Variants in SHC4 observed in about 807,000 individuals in gnomAD.
The protein encoded by SHC4 is SHC-transforming protein 4.
A neutral mutation model predicts 69.4 loss-of-function variants in SHC4; 41 were observed. The observed-to-expected ratio is 0.59, with a 90% CI of 0.46 to 0.77. The LOEUF (loss-of-function observed/expected upper bound fraction) is 0.77. SHC4 is among the 30% of genes least tolerant of loss of function. The pLI is 0.00. For missense variants in SHC4, 777 were observed against 783.8 expected, an observed-to-expected ratio of 0.99 and a Z score of 0.10; for synonymous variants, 318 against 299.3, an observed-to-expected ratio of 1.06 and a Z score of -0.64.
At chr15:48,842,912 C>T (rs1312461009) in intron 10 of SHC4, among the ~76,000 whole-genome samples, 2 of 151,938 alleles carry the variant, frequency 1.3e-5, no homozygotes, top group African/African-American at 4.8e-5. Context: ...GCCTGGGTGA[C>T]AGAATGAGAC....
At chr15:48,885,027 A>G (rs981204569) in intron 3 of SHC4, among the ~76,000 whole-genome samples, 3 of 152,246 alleles carry the variant, frequency 2.0e-5, no homozygotes, top group African/African-American at 7.2e-5. Flanking sequence ...GATTTACCAG[A>G]AATTACTAAT....
At chr15:48,863,592 A>G (rs181089738) in intron 6 of SHC4, among the ~76,000 whole-genome samples, 2 of 152,350 alleles carry the variant, frequency 1.3e-5, no homozygotes, top group East Asian at 3.9e-4. Flanking sequence ...AGGCATTTAC[A>G]TTTTTAAGAT....
At chr15:48,886,931 G>GA (rs1900046321) in intron 3 of SHC4, among the ~76,000 whole-genome samples, 1 of 152,186 alleles carries the variant, frequency 6.6e-6, no homozygotes, top group African/African-American at 2.4e-5. Flanking sequence ...AGGCCTGGCA[G>GA]AGGTGCTTAT....
At chr15:48,882,308 T>C (rs1312368778) in intron 4 of SHC4, among the ~76,000 whole-genome samples, 2 of 152,136 alleles carry the variant, frequency 1.3e-5, no homozygotes, top group Admixed American at 6.5e-5. Flanking sequence ...AAATCAGCCC[T>C]CAGGTCTGAG....
At chr15:48,877,950 A>T (rs1354460399) in intron 4 of SHC4, 8 of 492,798 alleles carry the variant, frequency 1.6e-5, no homozygotes, top group Non-Finnish European at 2.5e-5. Flanking sequence ...CCTAGATACG[A>T]AGTTCGAATC....
At chr15:48,878,346 C>T (rs761401009) in intron 4 of SHC4, 3 of 1,613,540 alleles carry the variant, frequency 1.9e-6, no homozygotes, top group Non-Finnish European at 2.5e-6. Flanking sequence ...GAGGAAGGCC[C>T]AATGGAGGAG....
rs879908349 is a variant in SHC4, at chr15:48,884,285, G to A, written c.803C>T (p.Thr268Ile). The change falls in exon 4 of 12, where the codon ACA (threonine) becomes ATA (isoleucine). Residue 268 changes from threonine to isoleucine, a missense_variant. Coordinates refer to ENST00000332408, the MANE Select transcript of SHC4 (RefSeq NM_203349.4). ...AAGATTCATCAATGTGAGACTGCATGTTGAGATGGTCAGTTTTATATTCAT... is the reference window on the plus strand; with the variant it reads ...AAGATTCATCAATGTGAGACTGCATATTGAGATGGTCAGTTTTATATTCAT... Reference protein sequence around the residue: ...SGMNIKLTISTCSLTLMNLDN... With the variant: ...SGMNIKLTISICSLTLMNLDN... 1.2e-6 allele frequency: 2 copies of A among 1,610,790 alleles called. No individual in the cohort carries two copies. The highest frequency in any genetic ancestry group is 1.7e-6 in the Non-Finnish European group (2 of 1,178,880).
chr15:48,840,648 T>G (rs1454193913), intron 10 of SHC4, among the ~76,000 whole-genome samples: 1 of 152,174 alleles, frequency 6.6e-6, no homozygotes, highest in Non-Finnish European at 1.5e-5. Context: ...CTATCCCCAC[T>G]CCATCTCTTT....
chr15:48,931,430 T>C (rs1449747871), intron 1 of SHC4, among the ~76,000 whole-genome samples: 1 of 152,196 alleles, frequency 6.6e-6, no homozygotes, highest in Non-Finnish European at 1.5e-5. Flanking sequence ...ACATTCAAAT[T>C]ATTCCTCTAC....
chr15:48,829,638 TGC>T (rs1898757830), intron 11 of SHC4, among the ~76,000 whole-genome samples: 1 of 152,194 alleles, frequency 6.6e-6, no homozygotes, highest in Non-Finnish European at 1.5e-5. Flanking sequence ...AGTGAGTCCT[TGC>T]CAGGCGTGGT....
chr15:48,884,529 C>CTTT (rs113724764), intron 3 of SHC4, among the ~76,000 whole-genome samples, 162 bp from the exon 4 acceptor site: 1 of 151,736 alleles, frequency 6.6e-6, no homozygotes, highest in Non-Finnish European at 1.5e-5. Context: ...ATTAAATAAA[C>CTTT]TTTTTTTTAA....
intron 1 of SHC4, among the ~76,000 whole-genome samples, chr15:48,956,966 CTTTCTTTCTTTTTT>C (rs1901464888): frequency 3.4e-5 from 1 of 29,634 alleles, no homozygotes; most frequent in South Asian, 2.2e-3. Flanking sequence ...TTCTTTCTTT[CTTTCTTTCTTTTTT>C]TTTTTTTTTT....
In SHC4 at chr15:48,903,681, G is replaced by A. The variant is rs531390975; in HGVS notation, c.657-12870C>T. Reference sequence around the variant, plus strand: ...TCCTCGGACCAGCAGCATTAGCATCGCCTGGAACTCATTAGATATGCAAAT... The same window carrying A: ...TCCTCGGACCAGCAGCATTAGCATCACCTGGAACTCATTAGATATGCAAAT... On this transcript the variant is annotated intron_variant, in intron 2 of 11. Transcript: ENST00000332408. 2.6e-5 allele frequency among the ~76,000 whole-genome samples: 4 copies of A among 152,234 alleles called. No individual in the cohort carries two copies. The South Asian group carries it at 8.3e-4, about 32-fold the overall frequency.
chr15:48,916,308 CA>C (rs1324686485), intron 2 of SHC4, among the ~76,000 whole-genome samples: 30 of 146,506 alleles, frequency 2.0e-4, no homozygotes, highest in Middle Eastern at 6.9e-3. Flanking sequence ...CACACACACA[CA>C]CACACACACC....
At chr15:48,931,683 T>C (rs1376154427) in intron 1 of SHC4, among the ~76,000 whole-genome samples, 1 of 152,084 alleles carries the variant, frequency 6.6e-6, no homozygotes, top group Non-Finnish European at 1.5e-5. Context: ...GGTCTCATCA[T>C]ATTCATGGGC....
chr15:48,878,416 C>A lies in SHC4; in HGVS notation c.840+5832G>T, dbSNP rs762791119. 5.0e-6 allele frequency: 8 copies of A among 1,611,852 alleles called. No individual in the cohort carries two copies. In the African/African-American group the frequency reaches 5.3e-5, roughly 11 times the overall value. On this transcript the variant is annotated intron_variant, in intron 4 of 11. Coordinates refer to ENST00000332408, the MANE Select transcript of SHC4 (RefSeq NM_203349.4). ...AACGGAGCCTTGCTAACGGGCCCAA[C>A]GCTGGGGAGCAGCCAGGCCAGGTGG...
At chr15:48,882,649 G>C (rs190241395) in intron 4 of SHC4, among the ~76,000 whole-genome samples, 1 of 152,200 alleles carries the variant, frequency 6.6e-6, no homozygotes, top group East Asian at 1.9e-4. Flanking sequence ...AATGATCATA[G>C]ATTCTACCCA....
intron 1 of SHC4, among the ~76,000 whole-genome samples, chr15:48,938,938 A>G (rs1485560808): frequency 1.3e-5 from 2 of 152,206 alleles, no homozygotes; most frequent in South Asian, 4.1e-4. Context: ...ACCTTGGACA[A>G]ATAACTTTAA....
At chr15:48,959,125 A>C (rs1901497955) in intron 1 of SHC4, among the ~76,000 whole-genome samples, 1 of 152,248 alleles carries the variant, frequency 6.6e-6, no homozygotes, top group African/African-American at 2.4e-5. Flanking sequence ...TGAAAAATAT[A>C]GTCCCTATCA....
Sources: allele counts gnomAD v4.1 joint callset (sites outside exome capture counted in the v4.1 genomes callset), GRCh38; gene constraint gnomAD v4.1.1; transcripts MANE v1.5; gene names NCBI Gene and HGNC (gene_info 2026-07-23, HGNC 2026-07-21).